Variants in LRRC4C observed in about 807,000 individuals in gnomAD.
LRRC4C encodes leucine rich repeat containing 4C.
In LRRC4C, 5 loss-of-function variants were observed where a neutral mutation model predicts 33.6. The ratio of observed to expected loss-of-function variants is 0.15; its 90% CI spans 0.08 to 0.31. The LOEUF (loss-of-function observed/expected upper bound fraction) is 0.31, where lower values mean the gene tolerates loss of function less well. Ranked by LOEUF, LRRC4C falls within the 10% of genes least tolerant of loss-of-function variation. The pLI is 1.00. For missense variants in LRRC4C, 560 were observed against 796.7 expected (o/e 0.70, Z 3.58); for synonymous variants, 329 against 302.0 (o/e 1.09, Z -0.93).
At chr11:40,952,834 CTCTG>C (rs1426168983) in intron 1 of LRRC4C, among the ~76,000 whole-genome samples, 24 of 148,228 alleles carry the variant, frequency 1.6e-4, no homozygotes, top group East Asian at 8.1e-4. Flanking sequence ...TCACACACAC[CTCTG>C]TCTATTTCCA....
intron 1 of LRRC4C, among the ~76,000 whole-genome samples, chr11:40,948,669 C>T (rs979140775): frequency 6.7e-6 from 1 of 149,700 alleles, no homozygotes; most frequent in African/African-American, 2.5e-5. Context: ...TTTCCAATTT[C>T]ATCCATGTCC....
chr11:41,348,025 T>C (rs962945161), intron 1 of LRRC4C, among the ~76,000 whole-genome samples: 4 of 152,216 alleles, frequency 2.6e-5, no homozygotes, highest in African/African-American at 9.6e-5. Flanking sequence ...TCTGACTATA[T>C]AAACCTTCAT....
intron 1 of LRRC4C, among the ~76,000 whole-genome samples, chr11:41,084,201 G>A (rs1270077228): frequency 6.6e-6 from 1 of 152,158 alleles, no homozygotes; most frequent in African/African-American, 2.4e-5. Flanking sequence ...AAATTGTGAT[G>A]TAAAACCCCA....
chr11:40,709,241 G>A (rs557291627), intron 2 of LRRC4C, among the ~76,000 whole-genome samples: 45 of 152,236 alleles, frequency 3.0e-4, no homozygotes, highest in African/African-American at 8.4e-4. Context: ...ATTTGATCCC[G>A]TCATTATGAT....
intron 1 of LRRC4C, among the ~76,000 whole-genome samples, chr11:41,133,030 T>C (rs1943087206): frequency 6.6e-6 from 1 of 152,140 alleles, no homozygotes; most frequent in Non-Finnish European, 1.5e-5. Context: ...ATAACAATAA[T>C]GTCTTTTTCC....
intron 1 of LRRC4C, among the ~76,000 whole-genome samples, chr11:41,344,658 C>T (rs1275149467): frequency 6.6e-6 from 1 of 152,220 alleles, no homozygotes; most frequent in Non-Finnish European, 1.5e-5. Context: ...TAGCCCATAG[C>T]ACACACATGG....
At chr11:41,133,337 C>T (rs1169408804) in intron 1 of LRRC4C, among the ~76,000 whole-genome samples, 1 of 152,052 alleles carries the variant, frequency 6.6e-6, no homozygotes, top group Non-Finnish European at 1.5e-5. Flanking sequence ...GTAGAAAATA[C>T]TTAGGAGGAG....
At chr11:40,914,361 G>T (rs1459704012) in intron 2 of LRRC4C, among the ~76,000 whole-genome samples, 1 of 152,134 alleles carries the variant, frequency 6.6e-6, no homozygotes, top group East Asian at 1.9e-4. Flanking sequence ...GATCAAGTGG[G>T]CTTCATCCCT....
intron 1 of LRRC4C, among the ~76,000 whole-genome samples, chr11:41,073,638 G>A (rs1258266439): frequency 6.6e-6 from 1 of 152,144 alleles, no homozygotes; most frequent in Admixed American, 6.5e-5. Flanking sequence ...ATAGTTTAAG[G>A]ACAAGAATCA....
At chr11:40,537,902 C>A (rs1305161152) in intron 3 of LRRC4C, among the ~76,000 whole-genome samples, 1 of 152,114 alleles carries the variant, frequency 6.6e-6, no homozygotes, top group South Asian at 2.1e-4. Context: ...GTCTACTCAG[C>A]TGCAGCATAG....
Position 41,016,327 on chromosome 11 carries a change from A to G in LRRC4C, c.-495-82604T>C, listed in dbSNP as rs374401639. ...ATATGACAGGAGAGTGGCACTACCA[A>G]GGAAAAAGACCATGGTAGCAGGGAT... On this transcript the variant is annotated intron_variant, in intron 1 of 6. Coordinates refer to ENST00000528697, the MANE Select transcript of LRRC4C (RefSeq NM_001258419.2). Among the ~76,000 whole-genome samples, 5 of 152,330 alleles carry G rather than the reference A, an allele frequency of 3.3e-5. No individual in the cohort carries two copies. In the South Asian group the frequency reaches 1.0e-3, roughly 32 times the overall value.
At chr11:40,737,169 C>G (rs1947913988) in intron 2 of LRRC4C, among the ~76,000 whole-genome samples, 1 of 151,964 alleles carries the variant, frequency 6.6e-6, no homozygotes, top group African/African-American at 2.4e-5. Flanking sequence ...AAATTCAGCA[C>G]CACTTTATGC....
chr11:41,279,428 A>ACACCCCCCCC lies in LRRC4C; in HGVS notation c.-496+180002_-496+180003insGGGGGGGGTG, dbSNP rs58139193. On this transcript the variant is annotated intron_variant, in intron 1 of 6. Transcript: ENST00000528697. ...CACACACACACACACACACACACAC[A>ACACCCCCCCC]CCGTGGCAATCACTGCCTGCAATGG... is the stretch of plus-strand genomic sequence containing the variant. Among the ~76,000 whole-genome samples, 44 of 140,888 alleles carry ACACCCCCCCC rather than the reference A, an allele frequency of 3.1e-4. 1 individual carries two copies. The highest frequency in any genetic ancestry group is 1.7e-3 in the Admixed American group (24 of 13,950). 92.4% of individuals were successfully genotyped at this position (140,888 alleles called of 152,430 possible).
intron 2 of LRRC4C, among the ~76,000 whole-genome samples, chr11:40,704,628 T>C (rs372680353): frequency 7.9e-5 from 12 of 152,068 alleles, no homozygotes; most frequent in African/African-American, 2.2e-4. Flanking sequence ...GGCAATAATC[T>C]CTCCGGACCT....
chr11:40,906,260 C>T (rs1004301139), intron 2 of LRRC4C, among the ~76,000 whole-genome samples: 4 of 152,232 alleles, frequency 2.6e-5, no homozygotes, highest in Non-Finnish European at 5.9e-5. Flanking sequence ...CCTGTGCTCC[C>T]TGCGCTTTGG....
chr11:40,152,252 G>C (rs953320354), intron 5 of LRRC4C, among the ~76,000 whole-genome samples: 1 of 152,202 alleles, frequency 6.6e-6, no homozygotes, highest in African/African-American at 2.4e-5. Flanking sequence ...TCAAGTTAGA[G>C]AGCCAAGTAA....
At chr11:40,593,713 A>G (rs1270915964) in intron 3 of LRRC4C, among the ~76,000 whole-genome samples, 3 of 152,234 alleles carry the variant, frequency 2.0e-5, no homozygotes, top group Non-Finnish European at 4.4e-5. Flanking sequence ...TTTTCAAGAT[A>G]GAAGACTAAA....
At chr11:40,523,586 A>G (rs1178319147) in intron 3 of LRRC4C, among the ~76,000 whole-genome samples, 1 of 148,536 alleles carries the variant, frequency 6.7e-6, no homozygotes, top group Non-Finnish European at 1.5e-5. Flanking sequence ...ATAGATTTAT[A>G]TATAATATGT....
intron 2 of LRRC4C, among the ~76,000 whole-genome samples, chr11:40,711,825 T>G (rs1048845152): frequency 6.6e-6 from 1 of 152,234 alleles, no homozygotes; most frequent in South Asian, 2.1e-4. Context: ...TTTTAATTTA[T>G]AAGTTGGAAA....
Sources: gnomAD v4.1 joint callset for allele counts (sites outside exome capture counted in the v4.1 genomes callset) on GRCh38, gnomAD v4.1.1 for gene constraint, MANE v1.5 for transcripts, NCBI Gene and HGNC (gene_info 2026-07-23, HGNC 2026-07-21) for gene names.